RIPK4: variants seen among roughly 807,000 people sequenced by gnomAD.
RIPK4 encodes the protein receptor-interacting serine/threonine-protein kinase 4.
In RIPK4, 17 loss-of-function variants were observed where a neutral mutation model predicts 42.9. The observed-to-expected ratio is 0.40, with a 90% CI of 0.27 to 0.59. The LOEUF (loss-of-function observed/expected upper bound fraction) is 0.59. RIPK4 is among the 20% of genes least tolerant of loss of function. RIPK4 has a pLI of 0.47. For synonymous variants in RIPK4, 498 were observed against 499.1 expected (o/e 1.00, Z 0.03); for missense variants, 897 against 1,104.4 (o/e 0.81, Z 2.66).
chr21:41,750,613 A>G (rs1028999127), intron 3 of RIPK4, among the ~76,000 whole-genome samples: 2 of 152,156 alleles, frequency 1.3e-5, no homozygotes, highest in African/African-American at 2.4e-5. Flanking sequence ...TTGGCTAGCA[A>G]CACTCACAGC....
In RIPK4 at chr21:41,748,915, C is replaced by T. The variant is rs918292527; in HGVS notation, c.673+239G>A. ...ATACACTTTAAATGGCTAACATGAC[C>T]AATTTTATGTTATATATATTTTACT... On this transcript the variant is annotated intron_variant, in intron 4 of 7. Coordinates refer to ENST00000332512, the MANE Select transcript of RIPK4 (RefSeq NM_020639.3). Among the ~76,000 whole-genome samples, 5 of 152,256 alleles carry T rather than the reference C, an allele frequency of 3.3e-5. No homozygotes were observed. The East Asian group carries it at 7.7e-4, about 23-fold the overall frequency.
intron 1 of RIPK4, among the ~76,000 whole-genome samples, chr21:41,758,536 G>T (rs958911024): frequency 1.3e-5 from 2 of 152,216 alleles, no homozygotes; most frequent in Non-Finnish European, 2.9e-5. Context: ...CAAACGCCTG[G>T]AGTCGTGGCT....
rs140577152 is a variant in RIPK4 at position 41,758,955 on chromosome 21, C to T, written c.183-2139G>A. 1.1e-4 allele frequency among the ~76,000 whole-genome samples: 16 copies of T among 152,316 alleles called. No individual in the cohort carries two copies. The East Asian group carries it at 2.7e-3, about 26-fold the overall frequency. ...AGAGTAAGAGGCTGAATCCCACGGACGCACGCTGGCCATGCAGGATCGAGA... is the reference window on the plus strand; with the variant it reads ...AGAGTAAGAGGCTGAATCCCACGGATGCACGCTGGCCATGCAGGATCGAGA... On this transcript the variant is annotated intron_variant, in intron 1 of 7. Coordinates refer to ENST00000332512, the MANE Select transcript of RIPK4 (RefSeq NM_020639.3).
chr21:41,752,114 T>C (rs925940228), intron 2 of RIPK4, among the ~76,000 whole-genome samples: 2 of 152,084 alleles, frequency 1.3e-5, no homozygotes, highest in Non-Finnish European at 2.9e-5. Context: ...TCAGTCCCCT[T>C]TGAAGCTGCT....
At chr21:41,744,389 C>T (rs573450854) in intron 6 of RIPK4, among the ~76,000 whole-genome samples, 3 of 150,764 alleles carry the variant, frequency 2.0e-5, no homozygotes, top group African/African-American at 7.3e-5. Flanking sequence ...CGCACAGTGC[C>T]GGGCAGCTCA....
chr21:41,749,147 C>T lies in RIPK4; in HGVS notation c.673+7G>A. 3.1e-6 allele frequency: 5 copies of T among 1,613,548 alleles called. No individual in the cohort carries two copies. Among genetic ancestry groups the T allele is most frequent in the Non-Finnish European group, 3.4e-6 (4 of 1,179,686 alleles). Reference sequence around the variant, plus strand: ...GCACATTACACCTCAAAGACAGGTCCACTCACCTGCAAACGGCTTCTTCTG... The same window carrying T: ...GCACATTACACCTCAAAGACAGGTCTACTCACCTGCAAACGGCTTCTTCTG... On this transcript the variant is annotated splice_region_variant and intron_variant, in intron 4 of 7. Transcript: ENST00000332512.
intron 2 of RIPK4, among the ~76,000 whole-genome samples, chr21:41,754,176 T>G (rs2061196288): frequency 6.6e-6 from 1 of 152,200 alleles, no homozygotes; most frequent in Non-Finnish European, 1.5e-5. Context: ...TACTGAGGAC[T>G]GCCCAGAAGC....
Position 41,751,486 on chromosome 21 carries a change from C to T in RIPK4, c.475-241G>A, listed in dbSNP as rs904371127. Among the ~76,000 whole-genome samples the T allele has an allele frequency of 6.6e-6, 1 of 152,148 alleles. No individual in the cohort carries two copies. Among genetic ancestry groups the T allele is most frequent in the Admixed American group, 6.5e-5 (1 of 15,284 alleles). ...ACATTTGACGGGCAGGTGAAAGAAT[C>T]GTACTGTAAGGAAGGAGTTATCCGG... On this transcript the variant is annotated intron_variant, in intron 2 of 7. Coordinates refer to ENST00000332512, the MANE Select transcript of RIPK4 (RefSeq NM_020639.3). The surrounding 1 kb of genome is among the most constrained non-coding windows in gnomAD (Gnocchi z 4.5).
At chr21:41,761,299 A>T (rs1352992614) in intron 1 of RIPK4, among the ~76,000 whole-genome samples, 1 of 152,214 alleles carries the variant, frequency 6.6e-6, no homozygotes, top group Non-Finnish European at 1.5e-5. Flanking sequence ...TGAGGCCCTC[A>T]TTTGTTATTT....
At chr21:41,757,089 T>TG (rs568418877) in intron 1 of RIPK4, among the ~76,000 whole-genome samples, 1 of 152,152 alleles carries the variant, frequency 6.6e-6, no homozygotes, top group African/African-American at 2.4e-5. Context: ...ATAACACATG[T>TG]GGGGGGTCCA....
At chr21:41,758,045 G>T (rs34141254) in intron 1 of RIPK4, among the ~76,000 whole-genome samples, 20,659 of 68,184 alleles carry the variant, frequency 0.3, 3,163 homozygotes, top group Non-Finnish European at 0.35. Flanking sequence ...TATATATAGA[G>T]AGAGAGAGAG....
At chr21:41,762,899 T>C (rs2061225113) in intron 1 of RIPK4, among the ~76,000 whole-genome samples, 1 of 152,190 alleles carries the variant, frequency 6.6e-6, no homozygotes, top group African/African-American at 2.4e-5. Context: ...TCGCATTTCT[T>C]ACTGTTGACA....
At chr21:41,752,079 AGT>A (rs1486028231) in intron 2 of RIPK4, among the ~76,000 whole-genome samples, 2 of 152,102 alleles carry the variant, frequency 1.3e-5, no homozygotes, top group Non-Finnish European at 2.9e-5. Context: ...CTTTCCTGCC[AGT>A]GTCCTACCCT....
intron 3 of RIPK4, among the ~76,000 whole-genome samples, chr21:41,749,806 G>T (rs757996932): frequency 6.6e-6 from 1 of 151,128 alleles, no homozygotes; most frequent in South Asian, 2.1e-4. Flanking sequence ...TTTTTCGGGG[G>T]CTGCTTAGAA....
At chr21:41,745,674 G>T in intron 6 of RIPK4, 85 bp downstream of exon 6, 2 of 984,862 alleles carry the variant, frequency 2.0e-6, no homozygotes, top group Non-Finnish European at 1.6e-6. Flanking sequence ...TCCGGGCGGC[G>T]GGGGACTCTG....
intron 1 of RIPK4, among the ~76,000 whole-genome samples, chr21:41,758,021 AATAT>A (rs1195745927): frequency 9.7e-5 from 5 of 51,368 alleles, no homozygotes; most frequent in East Asian, 4.9e-4. Context: ...AAAAAAAAAA[AATAT>A]ATATATATAT....
In RIPK4 at chr21:41,741,824, G is replaced by A. The variant is rs1302018937; in HGVS notation, c.1369C>T (p.Leu457=). 6.2e-7 allele frequency: 1 copy of A among 1,611,862 alleles called. No individual in the cohort carries two copies. Among genetic ancestry groups the A allele is most frequent in the Non-Finnish European group, 8.5e-7 (1 of 1,180,024 alleles). Reference sequence around the variant, plus strand: ...TTGGGGTTGGCATTGTTGAGCAGCAGCCACTTGGCGCACTCCTCTTGCCCG... The same window carrying A: ...TTGGGGTTGGCATTGTTGAGCAGCAACCACTTGGCGCACTCCTCTTGCCCG... ...EAGQEECAKW[L]LLNNANPNLS... The change falls in exon 8 of 8, where the codon CTG becomes TTG. Residue 457 remains leucine, a synonymous_variant. Transcript: ENST00000332512.
intron 4 of RIPK4, among the ~76,000 whole-genome samples, chr21:41,748,437 G>C (rs2061178385): frequency 6.6e-6 from 1 of 152,232 alleles, no homozygotes; most frequent in Admixed American, 6.5e-5. Flanking sequence ...TGATAAGTAA[G>C]TCAAGGTGTG....
In RIPK4 at chr21:41,745,855, A is replaced by G; in HGVS notation, c.840T>C (p.Thr280=). Residue 280 remains threonine (T), a synonymous_variant, in exon 6 of 8, where the codon ACT becomes ACC. Transcript: ENST00000332512. ...TTTCACACAGGTCCTCGGTTTCAGA[A>G]GTAATTTCTTGTGGGGAAGAAAGGG... ...PRVRPTFQEI[T]SETEDLCEKP... The G allele has an allele frequency of 6.2e-7, 1 of 1,613,634 alleles. No homozygotes were observed. The highest frequency in any genetic ancestry group is 1.1e-5 in the South Asian group (1 of 91,054).
Sources: allele counts gnomAD v4.1 joint callset (sites outside exome capture counted in the v4.1 genomes callset), GRCh38; gene constraint gnomAD v4.1.1; non-coding constraint Gnocchi (gnomAD v3.1); transcripts MANE v1.5; gene names NCBI Gene and HGNC (gene_info 2026-07-23, HGNC 2026-07-21).